Variants in RAPGEF5 observed in about 807,000 individuals in gnomAD.
RAPGEF5 encodes Rap guanine nucleotide exchange factor 5, also known as M-Ras-regulated GEF.
Under a neutral mutation model 125.2 loss-of-function variants are expected in RAPGEF5, and 65 were observed. The observed-to-expected ratio is 0.52, with a 90% confidence interval of 0.43 to 0.64. The LOEUF is 0.64. Among genes scored for constraint, RAPGEF5 ranks in the 30% least tolerant of loss-of-function variants. RAPGEF5 has a pLI of 0.00. For missense variants in RAPGEF5, 958 were observed against 1,048.1 expected, an observed-to-expected ratio of 0.91 and a Z score of 1.19; for synonymous variants, 391 against 385.9, an observed-to-expected ratio of 1.01 and a Z score of -0.16.
chr7:22,137,004 A>G (rs1049866243), intron 21 of RAPGEF5, 21 bp from the exon 22 acceptor site: 1 of 1,540,796 alleles, frequency 6.5e-7, no homozygotes, highest in Non-Finnish European at 8.8e-7. Context: ...AACACAAACA[A>G]AAAACAGAAG....
At chr7:22,196,103 T>C (rs970073012) in intron 9 of RAPGEF5, among the ~76,000 whole-genome samples, 30 of 152,140 alleles carry the variant, frequency 2.0e-4, no homozygotes, top group African/African-American at 6.8e-4. Context: ...ATCTATGTCA[T>C]TGTGATAGTT....
intron 1 of RAPGEF5, among the ~76,000 whole-genome samples, chr7:22,333,214 G>A (rs973383354): frequency 3.3e-5 from 5 of 152,082 alleles, no homozygotes; most frequent in Admixed American, 1.3e-4. Context: ...AAATATTTAA[G>A]TATTTACATA....
intron 23 of RAPGEF5, 27 bp from the exon 24 acceptor site, chr7:22,131,128 T>A (rs533630332): frequency 4.4e-5 from 67 of 1,519,318 alleles, no homozygotes; most frequent in Non-Finnish European, 5.4e-5. Context: ...AAAAGATGTA[T>A]GTATCATTAG....
chr7:22,274,015 A>G (rs1037791642), intron 6 of RAPGEF5, among the ~76,000 whole-genome samples: 1 of 152,118 alleles, frequency 6.6e-6, no homozygotes, highest in Non-Finnish European at 1.5e-5. Context: ...GCACAACTTG[A>G]CTATTACTCA....
intron 7 of RAPGEF5, among the ~76,000 whole-genome samples, chr7:22,263,775 T>C (rs1401031592): frequency 2.0e-5 from 3 of 147,318 alleles, no homozygotes; most frequent in Non-Finnish European, 4.4e-5. Flanking sequence ...AAGAAAAAAA[T>C]AATTGGAAAT....
At chr7:22,235,297 C>A (rs1786160106) in intron 7 of RAPGEF5, among the ~76,000 whole-genome samples, 1 of 152,140 alleles carries the variant, frequency 6.6e-6, no homozygotes, top group African/African-American at 2.4e-5. Context: ...AAAATCACCC[C>A]CATTTTACAG....
chr7:22,230,768 A>AT lies in RAPGEF5; in HGVS notation c.870+77dup. 4 of 1,320,378 alleles carry AT rather than the reference A, an allele frequency of 3.0e-6. No homozygotes were observed. In the South Asian group the frequency reaches 4.0e-5, roughly 13 times the overall value. 81.8% of individuals were successfully genotyped at this position (1,320,378 alleles called of 1,614,324 possible). A position where few individuals can be genotyped will look rare whatever the true frequency, so the allele number is the denominator to read the frequency against. ...AAACATAAAAGGTAAAACCTATATC[A>AT]TTTTTTAACACCTGCACTGTCTCAC... On this transcript the variant is annotated intron_variant, in intron 8 of 25. Transcript: ENST00000665637.
At chr7:22,336,664 C>T (rs11771628) in intron 1 of RAPGEF5, among the ~76,000 whole-genome samples, 1 of 152,024 alleles carries the variant, frequency 6.6e-6, no homozygotes, top group Admixed American at 6.6e-5. Flanking sequence ...CACAGAAGTT[C>T]GTGCCATTTG....
intron 6 of RAPGEF5, among the ~76,000 whole-genome samples, 192 bp from the exon 7 acceptor site, chr7:22,267,204 G>C (rs1029270629): frequency 2.6e-5 from 4 of 151,918 alleles, no homozygotes; most frequent in African/African-American, 9.7e-5. Context: ...ACTTTTAGAA[G>C]AATCATATTG....
chr7:22,315,793 CTAT>C (rs1783576665), intron 2 of RAPGEF5, among the ~76,000 whole-genome samples: 1 of 151,798 alleles, frequency 6.6e-6, no homozygotes, highest in Non-Finnish European at 1.5e-5. Context: ...AAAACATCCA[CTAT>C]TTTTTAAATA....
rs757967114 is a variant in RAPGEF5 at position 22,308,368 on chromosome 7, G to A, written c.651C>T (p.Leu217=). ...GVKLLLQLVP[L]IPARGGICEL... is the part of the protein sequence containing the mutation. ...CACAGATGCCACCTCTGGCAGGAAT[G>A]AGAGGCACAAGTTGCAGTAAAAGCT... is the stretch of plus-strand genomic sequence containing the variant. The change falls in exon 5 of 26, where the codon CTC becomes CTT. Residue 217 remains leucine (L), a synonymous_variant. Coordinates refer to ENST00000665637, the MANE Select transcript of RAPGEF5 (RefSeq NM_012294.5). The A allele has an allele frequency of 1.9e-6, 3 of 1,589,878 alleles. No homozygotes were observed. Among genetic ancestry groups the A allele is most frequent in the Non-Finnish European group, 2.6e-6 (3 of 1,166,882 alleles).
chr7:22,250,620 C>A (rs1274466722), intron 7 of RAPGEF5, among the ~76,000 whole-genome samples: 1 of 152,068 alleles, frequency 6.6e-6, no homozygotes, highest in South Asian at 2.1e-4. Flanking sequence ...CCCTTGATAG[C>A]TCTTACTTGT....
intron 1 of RAPGEF5, among the ~76,000 whole-genome samples, chr7:22,341,472 C>T (rs1278743879): frequency 6.6e-6 from 1 of 152,202 alleles, no homozygotes; most frequent in Non-Finnish European, 1.5e-5. Flanking sequence ...TCCCAACAGT[C>T]CCCCAAAACA....
At chr7:22,193,326 G>C in intron 11 of RAPGEF5, 41 bp downstream of exon 11, 3 of 1,545,438 alleles carry the variant, frequency 1.9e-6, no homozygotes, top group Non-Finnish European at 2.6e-6. Context: ...AAGGGCATCA[G>C]CTGCTATCAG....
chr7:22,168,355 C>T (rs1784238656), intron 11 of RAPGEF5, among the ~76,000 whole-genome samples: 1 of 152,188 alleles, frequency 6.6e-6, no homozygotes, highest in African/African-American at 2.4e-5. Context: ...AGCAGGTCCT[C>T]ACCAGACACT....
At chr7:22,222,914 T>C (rs1785827570) in intron 8 of RAPGEF5, among the ~76,000 whole-genome samples, 1 of 151,970 alleles carries the variant, frequency 6.6e-6, no homozygotes, top group African/African-American at 2.4e-5. Context: ...AGCCAGCAGA[T>C]TTTGCTGTTT....
chr7:22,143,919 A>G (rs1783346095), intron 20 of RAPGEF5, among the ~76,000 whole-genome samples: 2 of 152,238 alleles, frequency 1.3e-5, no homozygotes, highest in Non-Finnish European at 2.9e-5. Context: ...TACCTTGTAC[A>G]CATCTGTACA....
chr7:22,205,400 G>A (rs1250447696), intron 9 of RAPGEF5, among the ~76,000 whole-genome samples: 1 of 152,172 alleles, frequency 6.6e-6, no homozygotes, highest in Non-Finnish European at 1.5e-5. Context: ...TTACAGATGT[G>A]ATTTGAAGTA....
intron 1 of RAPGEF5, among the ~76,000 whole-genome samples, chr7:22,348,608 A>G (rs983608477): frequency 5.9e-5 from 9 of 152,318 alleles, no homozygotes; most frequent in Middle Eastern, 3.4e-3. Flanking sequence ...TTCTTGTCCA[A>G]TGGCTGGTAT....
Sources: gnomAD v4.1 joint callset for allele counts (sites outside exome capture counted in the v4.1 genomes callset) on GRCh38, gnomAD v4.1.1 for gene constraint, MANE v1.5 for transcripts, NCBI Gene and HGNC (gene_info 2026-07-23, HGNC 2026-07-21) for gene names.